The following PARVB variants were observed in gnomAD, a reference collection of about 807,000 sequenced individuals.
PARVB encodes parvin beta.
In PARVB, 46 loss-of-function variants were observed where a neutral mutation model predicts 47.0. The observed-to-expected ratio is 0.98, with a 90% CI of 0.77 to 1.25. PARVB has a LOEUF of 1.25. PARVB is among the 50% of genes most tolerant of loss of function. The pLI, the probability that PARVB is intolerant of heterozygous loss-of-function variation, is 0.00. For synonymous variants in PARVB, 196 were observed against 196.3 expected, an observed-to-expected ratio of 1.00 and a Z score of 0.01; for missense variants, 473 against 471.6, an observed-to-expected ratio of 1.00 and a Z score of -0.03.
chr22:44,088,029 G>A (rs960962370), intron 1 of PARVB, among the ~76,000 whole-genome samples: 2 of 152,052 alleles, frequency 1.3e-5, no homozygotes, highest in South Asian at 4.1e-4. Context: ...TCTCTCTGAG[G>A]TGTGTTAGGC....
At chr22:44,043,068 G>A (rs1415504209) in intron 1 of PARVB, among the ~76,000 whole-genome samples, 1 of 152,180 alleles carries the variant, frequency 6.6e-6, no homozygotes, top group Non-Finnish European at 1.5e-5. Context: ...ATACTATTCA[G>A]CAACGAAAAG....
intron 9 of PARVB, chr22:44,148,246 C>T (rs2053730027): frequency 2.6e-6 from 1 of 383,256 alleles, no homozygotes; most frequent in South Asian, 2.2e-5. Flanking sequence ...GCTGCTCTCG[C>T]TGGCCTCATT....
rs1238060272 is a variant in PARVB at position 44,172,136 on chromosome 22, A to G, written c.*3458A>G. On this transcript the variant is annotated 3_prime_UTR_variant, in exon 13 of 13. Transcript: ENST00000338758. ...TCACCATCAGTTTGAGTCTGAATTC[A>G]TAGCATGGCCTGGACAGATGCAGCA... 2 of 152,212 alleles carry G rather than the reference A, an allele frequency of 1.3e-5. No individual in the cohort carries two copies. The highest frequency in any genetic ancestry group is 6.5e-5 in the Admixed American group (1 of 15,282). The allele number at this position is 152,212 out of a possible 1,614,324, so 9.4% of individuals were successfully genotyped here.
At chr22:44,092,122 T>C (rs1175138519) in intron 1 of PARVB, among the ~76,000 whole-genome samples, 1 of 151,518 alleles carries the variant, frequency 6.6e-6, no homozygotes, top group Non-Finnish European at 1.5e-5. Context: ...ATTTCCACTC[T>C]TTTTTTTGAG....
At chr22:44,077,918 G>A (rs547792426) in intron 1 of PARVB, among the ~76,000 whole-genome samples, 4 of 152,064 alleles carry the variant, frequency 2.6e-5, no homozygotes, top group East Asian at 1.9e-4. Flanking sequence ...GGCTGGTTTC[G>A]AACTCCTGAC....
intron 1 of PARVB, among the ~76,000 whole-genome samples, chr22:44,061,195 G>C (rs754210429): frequency 7.9e-5 from 12 of 152,226 alleles, no homozygotes; most frequent in South Asian, 2.1e-4. Flanking sequence ...TTGGGAGGCC[G>C]AGGCAGGCAG....
intron 2 of PARVB, among the ~76,000 whole-genome samples, chr22:44,012,657 A>G (rs534133372): frequency 6.6e-6 from 1 of 152,284 alleles, no homozygotes; most frequent in South Asian, 2.1e-4. Flanking sequence ...ACATCAATTA[A>G]ATATTTCCAT....
chr22:44,019,224 A>C (rs1214088692), intron 2 of PARVB, among the ~76,000 whole-genome samples: 1 of 139,820 alleles, frequency 7.2e-6, no homozygotes, highest in Non-Finnish European at 1.5e-5. Context: ...GCCTATTTTT[A>C]TTTTTTTATT....
At chr22:44,069,112 C>T (rs756524443) in intron 1 of PARVB, 131 of 1,611,756 alleles carry the variant, frequency 8.1e-5, no homozygotes, top group African/African-American at 1.7e-4. Flanking sequence ...CTCCGACGTC[C>T]GCCGGCTGTG....
intron 10 of PARVB, among the ~76,000 whole-genome samples, chr22:44,156,007 G>A (rs745977847): frequency 6.6e-6 from 1 of 152,000 alleles, no homozygotes; most frequent in Non-Finnish European, 1.5e-5. Context: ...AAAAATTGGC[G>A]GGTATGGTGG....
chr22:44,069,696 T>G (rs1031600163), intron 1 of PARVB, among the ~76,000 whole-genome samples: 3 of 151,350 alleles, frequency 2.0e-5, no homozygotes, highest in African/African-American at 7.3e-5. Context: ...GCCTGGCTAA[T>G]TTTTGTATTT....
intron 1 of PARVB, among the ~76,000 whole-genome samples, chr22:44,024,674 G>A (rs1284901279): frequency 6.6e-6 from 1 of 152,082 alleles, no homozygotes; most frequent in Non-Finnish European, 1.5e-5. Flanking sequence ...TCTGCCAAAC[G>A]CGCGTGCGGG....
chr22:44,145,410 G>C (rs1320719620), intron 8 of PARVB: 5 of 152,256 alleles, frequency 3.3e-5, no homozygotes, highest in Admixed American at 6.5e-5. Flanking sequence ...AGGCCCCTGG[G>C]TTACCCCAAG....
Position 44,049,091 on chromosome 22 carries a change from C to A in PARVB, c.112+24640C>A, listed in dbSNP as rs1426997072. On this transcript the variant is annotated intron_variant, in intron 1 of 12. Transcript: ENST00000338758. The surrounding 1 kb of genome is among the most constrained non-coding windows in gnomAD (Gnocchi z 4.0). ...AGGTCCAGGCTTTCCGGCTCCAGGGCTGGTGCCCTCTGTCCTGTGCCACTT... is the reference window on the plus strand; with the variant it reads ...AGGTCCAGGCTTTCCGGCTCCAGGGATGGTGCCCTCTGTCCTGTGCCACTT... 6.6e-6 allele frequency among the ~76,000 whole-genome samples: 1 copy of A among 152,188 alleles called. No individual in the cohort carries two copies. Among genetic ancestry groups the A allele is most frequent in the Non-Finnish European group, 1.5e-5 (1 of 68,030 alleles).
chr22:44,160,566 G>A (rs746759611), intron 11 of PARVB, among the ~76,000 whole-genome samples: 8 of 152,166 alleles, frequency 5.3e-5, no homozygotes, highest in Non-Finnish European at 1.0e-4. Context: ...AGGCCTCTCC[G>A]GGATCCATGT....
chr22:44,034,706 C>CTTTTT (rs34429203), intron 1 of PARVB, among the ~76,000 whole-genome samples: 2 of 107,580 alleles, frequency 1.9e-5, no homozygotes, highest in Non-Finnish European at 3.8e-5. Context: ...CCACGTGTAA[C>CTTTTT]TTTTTTTTTT....
chr22:44,148,141 C>T, intron 9 of PARVB: 1 of 578,676 alleles, frequency 1.7e-6, no homozygotes, highest in Non-Finnish European at 3.1e-6. Flanking sequence ...TCCTGCCCGC[C>T]CGCTCCGCTT....
chr22:44,051,022 C>T (rs1041315581), intron 1 of PARVB, among the ~76,000 whole-genome samples: 1 of 152,176 alleles, frequency 6.6e-6, no homozygotes, highest in African/African-American at 2.4e-5. Flanking sequence ...CCTGTTGTCT[C>T]ATCTCCTAAG....
At chr22:44,056,383 G>A (rs769813172) in intron 1 of PARVB, among the ~76,000 whole-genome samples, 3 of 152,234 alleles carry the variant, frequency 2.0e-5, no homozygotes, top group South Asian at 4.1e-4. Flanking sequence ...CGGATGCAGC[G>A]TTGCCCGGGT....
Sources: allele counts gnomAD v4.1 joint callset (sites outside exome capture counted in the v4.1 genomes callset), GRCh38; gene constraint gnomAD v4.1.1; non-coding constraint Gnocchi (gnomAD v3.1); transcripts MANE v1.5; gene names NCBI Gene and HGNC (gene_info 2026-07-23, HGNC 2026-07-21).